BRINP1: variants seen among roughly 807,000 people sequenced by gnomAD.
BRINP1 encodes BMP/retinoic acid inducible neural specific 1.
A neutral mutation model predicts 72.9 loss-of-function variants in BRINP1; 17 were observed. The ratio of observed to expected loss-of-function variants is 0.23; its 90% CI spans 0.16 to 0.35. The LOEUF (loss-of-function observed/expected upper bound fraction) is 0.35. BRINP1 is among the 10% of genes least tolerant of loss of function. The pLI, the probability that BRINP1 is intolerant of heterozygous loss-of-function variation, is 1.00. For missense variants in BRINP1, 850 were observed against 1,001.6 expected (o/e 0.85, Z 2.04); for synonymous variants, 418 against 378.5 (o/e 1.10, Z -1.21).
chr9:119,338,061 G>A (rs955161838), intron 1 of BRINP1, among the ~76,000 whole-genome samples: 1 of 152,088 alleles, frequency 6.6e-6, no homozygotes, highest in Non-Finnish European at 1.5e-5. Context: ...AAAGATACTG[G>A]CTTAAGTCAG....
At chr9:119,178,491 A>G (rs527870076) in intron 7 of BRINP1, among the ~76,000 whole-genome samples, 2 of 152,276 alleles carry the variant, frequency 1.3e-5, no homozygotes, top group South Asian at 2.1e-4. Flanking sequence ...AATCAAATCA[A>G]TCTCCTATAC....
rs1831460759 is a variant in BRINP1, at chr9:119,347,198, T to C, written c.-51+21858A>G. ...TCAAGAATAATTGCAATCTGCTACT[T>C]GCACAGCCCCTCCCTTTACTAGCTC... On this transcript the variant is annotated intron_variant, in intron 1 of 7. Transcript: ENST00000265922. 2.0e-5 allele frequency among the ~76,000 whole-genome samples: 3 copies of C among 152,168 alleles called. No homozygotes were observed. In the South Asian group the frequency reaches 6.2e-4, roughly 32 times the overall value.
At chr9:119,334,062 T>C (rs548564559) in intron 1 of BRINP1, among the ~76,000 whole-genome samples, 1 of 152,322 alleles carries the variant, frequency 6.6e-6, no homozygotes, top group African/African-American at 2.4e-5. Flanking sequence ...AAATGCAGTC[T>C]GAGAAGAAGG....
chr9:119,353,523 T>C (rs1831525821), intron 1 of BRINP1, among the ~76,000 whole-genome samples: 2 of 152,102 alleles, frequency 1.3e-5, no homozygotes, highest in Admixed American at 1.3e-4. Flanking sequence ...CATGTTAGAG[T>C]TCCTTCCTTT....
intron 2 of BRINP1, among the ~76,000 whole-genome samples, chr9:119,299,762 T>C (rs186214079): frequency 1.3e-5 from 2 of 152,340 alleles, no homozygotes; most frequent in East Asian, 1.9e-4. Flanking sequence ...TATTCCATCA[T>C]GTATGTATAC....
At chr9:119,324,572 G>A (rs1405513546) in intron 1 of BRINP1, among the ~76,000 whole-genome samples, 3 of 152,112 alleles carry the variant, frequency 2.0e-5, no homozygotes, top group African/African-American at 7.2e-5. Flanking sequence ...GATTTAATCA[G>A]GTTTATCAAG....
At chr9:119,312,930 T>C (rs977979871) in intron 2 of BRINP1, among the ~76,000 whole-genome samples, 4 of 152,192 alleles carry the variant, frequency 2.6e-5, no homozygotes, top group Admixed American at 2.6e-4. Flanking sequence ...AAATAAGTAC[T>C]CAATAAATAT....
intron 7 of BRINP1, among the ~76,000 whole-genome samples, chr9:119,172,257 G>C (rs1829422254): frequency 1.3e-5 from 2 of 152,250 alleles, no homozygotes; most frequent in South Asian, 4.1e-4. Context: ...AAGAAGAAAA[G>C]AGAAGAATCA....
rs1239483148 is a variant in BRINP1 at position 119,221,095 on chromosome 9, A to C, written c.686-6940T>G. On this transcript the variant is annotated intron_variant, in intron 5 of 7. Transcript: ENST00000265922. ...TACAGTGCCAAGGGAAGAAGGAAAA[A>C]ACACAGGTTCTATTTTAGTTGAATA... is the stretch of plus-strand genomic sequence containing the variant. Among the ~76,000 whole-genome samples the C allele has an allele frequency of 4.6e-5, 7 of 152,170 alleles. 1 individual carries two copies. The highest frequency in any genetic ancestry group is 1.0e-4 in the Non-Finnish European group (7 of 68,040).
At chr9:119,170,105 C>T (rs1829385204) in intron 7 of BRINP1, among the ~76,000 whole-genome samples, 1 of 152,082 alleles carries the variant, frequency 6.6e-6, no homozygotes, top group Non-Finnish European at 1.5e-5. Context: ...CAGTTCCTCA[C>T]CAGCAACGGA....
chr9:119,314,506 C>T (rs991642135), intron 1 of BRINP1, among the ~76,000 whole-genome samples: 1 of 152,190 alleles, frequency 6.6e-6, no homozygotes, highest in Admixed American at 6.5e-5. Context: ...GCTGGGACTA[C>T]AGTCACGTGC....
intron 2 of BRINP1, among the ~76,000 whole-genome samples, chr9:119,272,549 A>G (rs1311118702): frequency 1.3e-5 from 2 of 152,198 alleles, no homozygotes; most frequent in African/African-American, 4.8e-5. Flanking sequence ...AGGGGCACCA[A>G]TTGAAAGTCC....
chr9:119,170,900 G>GAAAT (rs946106290), intron 7 of BRINP1, among the ~76,000 whole-genome samples: 2 of 144,680 alleles, frequency 1.4e-5, no homozygotes, highest in Non-Finnish European at 3.0e-5. Flanking sequence ...AAGTGAAGGA[G>GAAAT]AAATAAAATA....
Position 119,249,048 on chromosome 9 carries a change from C to A in BRINP1, c.321G>T (p.Leu107=), listed in dbSNP as rs746941077. The A allele has an allele frequency of 2.5e-6, 4 of 1,613,984 alleles. No individual in the cohort carries two copies. Among genetic ancestry groups the A allele is most frequent in the East Asian group, 2.2e-5 (1 of 44,876 alleles). ...GCTGAGTGGTAGGTCTCCTGCCAAG[C>A]AGGCGGATGCTCCTTTGAAACTCCG... The part of the protein sequence containing the change: ...LMPEFQRSIR[L]LGRRPTTQQF... The change falls in exon 3 of 8, where the codon CTG becomes CTT. Residue 107 remains leucine (L), a synonymous_variant. Coordinates refer to ENST00000265922, the MANE Select transcript of BRINP1 (RefSeq NM_014618.3).
intron 1 of BRINP1, among the ~76,000 whole-genome samples, chr9:119,318,631 C>T (rs1007740574): frequency 1.3e-5 from 2 of 152,020 alleles, no homozygotes; most frequent in South Asian, 2.1e-4. Context: ...GGGATGAAGG[C>T]GATTGTTGGG....
At chr9:119,234,504 T>C (rs1830175866) in intron 5 of BRINP1, among the ~76,000 whole-genome samples, 1 of 152,206 alleles carries the variant, frequency 6.6e-6, no homozygotes, top group Non-Finnish European at 1.5e-5. Context: ...TTTAAAAATA[T>C]GTATATTCTG....
intron 1 of BRINP1, among the ~76,000 whole-genome samples, chr9:119,319,070 A>G (rs1831157968): frequency 6.6e-6 from 1 of 152,110 alleles, no homozygotes; most frequent in Non-Finnish European, 1.5e-5. Context: ...ACACTGCACA[A>G]GACAGCCCCC....
chr9:119,304,719 G>C (rs985667336), intron 2 of BRINP1, among the ~76,000 whole-genome samples: 1 of 152,256 alleles, frequency 6.6e-6, no homozygotes, highest in Non-Finnish European at 1.5e-5. Context: ...GGAAAAGGCT[G>C]CCTGACCAGT....
intron 2 of BRINP1, among the ~76,000 whole-genome samples, chr9:119,295,093 C>T (rs1830861168): frequency 6.6e-6 from 1 of 151,920 alleles, no homozygotes; most frequent in African/African-American, 2.4e-5. Flanking sequence ...CATCCCACTT[C>T]TCGATTTTAA....
Sources: allele counts gnomAD v4.1 joint callset (sites outside exome capture counted in the v4.1 genomes callset), GRCh38; gene constraint gnomAD v4.1.1; transcripts MANE v1.5; gene names NCBI Gene and HGNC (gene_info 2026-07-23, HGNC 2026-07-21).